The following RRBP1 variants were observed in gnomAD, a reference collection of about 807,000 sequenced individuals.
The protein encoded by RRBP1 is ribosome binding protein 1, also known as ribosome-binding protein 1.
Under a neutral mutation model 165.2 loss-of-function variants are expected in RRBP1, and 94 were observed. The ratio of observed to expected loss-of-function variants is 0.57; its 90% CI spans 0.48 to 0.68. The LOEUF is 0.68. Ranked by LOEUF, RRBP1 falls within the 30% of genes least tolerant of loss-of-function variation. The pLI, the probability that RRBP1 is intolerant of heterozygous loss-of-function variation, is 0.00. For synonymous variants in RRBP1, 680 were observed against 714.5 expected, an observed-to-expected ratio of 0.95 and a Z score of 0.77; for missense variants, 1,676 against 1,763.0, an observed-to-expected ratio of 0.95 and a Z score of 0.88.
chr20:17,646,979 T>A lies in RRBP1; in HGVS notation c.1913-3852A>T, dbSNP rs1449736233. On this transcript the variant is annotated intron_variant, in intron 3 of 24. Coordinates refer to ENST00000377813, the MANE Select transcript of RRBP1 (RefSeq NM_001365613.2). The stretch of plus-strand genomic sequence containing the variant: ...GCTCTCTCAGTCCACGGGGAGGGTA[T>A]CAGAACCACTCCAGGAACTGCCGCC... Among the ~76,000 whole-genome samples the A allele has an allele frequency of 2.6e-5, 4 of 152,306 alleles. No homozygotes were observed. In the East Asian group the frequency reaches 7.7e-4, roughly 29 times the overall value.
At position 17,659,066 on chromosome 20, in the gene RRBP1, T is replaced by C; in HGVS notation, c.1442A>G (p.Lys481Arg). ...KVEGAQNQGKKAEGAQNQGKK... is the reference protein window; with the variant it reads ...KVEGAQNQGKRAEGAQNQGKK... ...GCCCTGGTTCTGGGCCCCCTCAGCC[T>C]TCTTGCCCTGGTTCTGGGCCCCTTC... Residue 481 changes from lysine (K) to arginine (R), a missense_variant, in exon 3 of 25, where the codon AAG becomes AGG. By Grantham distance (26) the Lys-to-Arg change is conservative (BLOSUM62 2). Around this residue, in one of 5 missense-constraint regions of RRBP1, gnomAD observed 18 missense variants for 38.8 expected, o/e 0.46. Coordinates refer to ENST00000377813, the MANE Select transcript of RRBP1 (RefSeq NM_001365613.2). The C allele has an allele frequency of 6.5e-7, 1 of 1,547,182 alleles. No homozygotes were observed. Among genetic ancestry groups the C allele is most frequent in the Non-Finnish European group, 8.7e-7 (1 of 1,145,500 alleles).
At chr20:17,677,694 C>A (rs1054080836) in intron 2 of RRBP1, among the ~76,000 whole-genome samples, 65 of 152,080 alleles carry the variant, frequency 4.3e-4, no homozygotes, top group African/African-American at 1.5e-3. Flanking sequence ...ACAAAATTAG[C>A]CGGGTGTGGT....
At chr20:17,615,341 T>C (rs2035777263) in intron 23 of RRBP1, 90 bp downstream of exon 23, 1 of 1,066,428 alleles carries the variant, frequency 9.4e-7, no homozygotes, top group South Asian at 1.5e-5. Flanking sequence ...GGGTCGGCTC[T>C]CCCCTTCCTG....
At chr20:17,619,544 A>C in intron 19 of RRBP1, 89 bp downstream of exon 19, 1 of 900,682 alleles carries the variant, frequency 1.1e-6, no homozygotes, top group Non-Finnish European at 1.7e-6. Context: ...TGTCACCGAG[A>C]GCTGCTCCCA....
intron 12 of RRBP1, among the ~76,000 whole-genome samples, 175 bp from the exon 13 acceptor site, chr20:17,624,843 A>G (rs1168785570): frequency 2.0e-5 from 3 of 152,202 alleles, no homozygotes; most frequent in Non-Finnish European, 4.4e-5. Context: ...GCCTGAACAC[A>G]AGGCCTGGGT....
Position 17,613,997 on chromosome 20 carries a change from T to C in RRBP1, c.*185A>G, listed in dbSNP as rs2035741566. 2 of 626,288 alleles carry C rather than the reference T, an allele frequency of 3.2e-6. No individual in the cohort carries two copies. Among genetic ancestry groups the C allele is most frequent in the South Asian group, 2.0e-5 (1 of 50,176 alleles). 38.8% of individuals were successfully genotyped at this position (626,288 alleles called of 1,614,324 possible). A position where few individuals can be genotyped will look rare whatever the true frequency, so the allele number is the denominator to read the frequency against. ...GTTTATCAAATGTGACACAGGTTCA[T>C]TTACAAACTGGGGCTCTGGAAGGTC... is the stretch of plus-strand genomic sequence containing the variant. On this transcript the variant is annotated 3_prime_UTR_variant, in exon 25 of 25. Transcript: ENST00000377813.
At chr20:17,668,133 G>A (rs2036904561) in intron 2 of RRBP1, among the ~76,000 whole-genome samples, 1 of 152,202 alleles carries the variant, frequency 6.6e-6, no homozygotes, top group Non-Finnish European at 1.5e-5. Context: ...TGCTGAGTGT[G>A]AGGAGTTATG....
At chr20:17,670,517 C>A (rs779298666) in intron 2 of RRBP1, among the ~76,000 whole-genome samples, 3 of 150,624 alleles carry the variant, frequency 2.0e-5, no homozygotes, top group South Asian at 2.1e-4. Flanking sequence ...CAAATTAATT[C>A]TATTATCCCT....
intron 2 of RRBP1, among the ~76,000 whole-genome samples, chr20:17,672,518 T>C (rs1041785319): frequency 5.3e-5 from 8 of 152,240 alleles, no homozygotes; most frequent in Non-Finnish European, 8.8e-5. Flanking sequence ...GGTTCCCTTT[T>C]AGAATCAGCC....
chr20:17,657,897 T>C (rs1238899169), intron 3 of RRBP1, among the ~76,000 whole-genome samples: 8 of 152,184 alleles, frequency 5.3e-5, no homozygotes, highest in Non-Finnish European at 1.0e-4. Context: ...CCTACCATCA[T>C]TCACTCAACA....
Position 17,660,177 on chromosome 20 carries a change from G to C in RRBP1, c.331C>G (p.Pro111Ala). 6.2e-7 allele frequency: 1 copy of C among 1,613,998 alleles called. No homozygotes were observed. The highest frequency in any genetic ancestry group is 1.1e-5 in the South Asian group (1 of 91,068). The change falls in exon 3 of 25, where the codon CCA becomes GCA. Residue 111 changes from proline (P) to alanine (A), a missense_variant. Pro to Ala is a conservative substitution (Grantham distance 27). This residue lies in a region of RRBP1 where 392 missense variants were observed against 382.5 expected (regional missense o/e 1.02). Coordinates refer to ENST00000377813, the MANE Select transcript of RRBP1 (RefSeq NM_001365613.2). ...RAPAVAVAPTPVQPPIIVAPV... is the reference protein window; with the variant it reads ...RAPAVAVAPTAVQPPIIVAPV... ...GCAACGATAATGGGGGGCTGCACTG[G>C]GGTTGGAGCCACAGCCACAGCAGGA...
At position 17,615,528 on chromosome 20, in the gene RRBP1, G is replaced by T; in HGVS notation, c.3953C>A (p.Ala1318Asp). 1 of 1,603,576 alleles carries T rather than the reference G, an allele frequency of 6.2e-7. No individual in the cohort carries two copies. Residue 1318 changes from alanine to aspartate, a missense_variant and splice_region_variant, in exon 23 of 25, where the codon GCT (alanine) becomes GAT (aspartate). Ala to Asp is a moderately radical substitution (Grantham distance 126). Transcript: ENST00000377813. Reference sequence around the variant, plus strand: ...TTGTAACCGACATGCCGAGGTCTGAGCCTTGCCGGAGAGGGAAGTGAGGTC... The same window carrying T: ...TTGTAACCGACATGCCGAGGTCTGATCCTTGCCGGAGAGGGAAGTGAGGTC... ...RQKLTAEFEE[A>D]QTSACRLQEE...
rs747638995 is a variant in RRBP1 at position 17,636,570 on chromosome 20, C to T, written c.2337+7G>A. The T allele has an allele frequency of 3.7e-5, 59 of 1,610,428 alleles. No homozygotes were observed. Among genetic ancestry groups the T allele is most frequent in the Non-Finnish European group, 4.7e-5 (56 of 1,179,836 alleles). On this transcript the variant is annotated splice_region_variant and intron_variant, in intron 6 of 24. Coordinates refer to ENST00000377813, the MANE Select transcript of RRBP1 (RefSeq NM_001365613.2). Reference sequence around the variant, plus strand: ...CTTCCCATGCCCCCGCCAGCCACTACACCCACCTTGCCCTGCAGCTGCTGC... The same window carrying T: ...CTTCCCATGCCCCCGCCAGCCACTATACCCACCTTGCCCTGCAGCTGCTGC...
In RRBP1 at chr20:17,658,851, C is replaced by A; in HGVS notation, c.1657G>T (p.Val553Phe). ...APIQGKKADSVANQGTKVEGI... is the reference protein window; with the variant it reads ...APIQGKKADSFANQGTKVEGI... ...TCTACCTTTGTGCCCTGATTAGCAA[C>A]CGAATCTGCCTTTTTGCCCTGGATG... is the stretch of plus-strand genomic sequence containing the variant. The change falls in exon 3 of 25, where the codon GTT becomes TTT. Residue 553 changes from valine to phenylalanine, a missense_variant. By Grantham distance (50) the Val-to-Phe change is conservative. This residue lies in a region of RRBP1 where 1,184 missense variants were observed against 1,167.1 expected (regional missense o/e 1.01). Transcript: ENST00000377813. 6.2e-7 allele frequency: 1 copy of A among 1,613,976 alleles called. No individual in the cohort carries two copies. Among genetic ancestry groups the A allele is most frequent in the Non-Finnish European group, 8.5e-7 (1 of 1,179,896 alleles).
In RRBP1 at chr20:17,658,801, T is replaced by C; in HGVS notation, c.1707A>G (p.Lys569=). 1 of 1,613,994 alleles carries C rather than the reference T, an allele frequency of 6.2e-7. No individual in the cohort carries two copies. Among genetic ancestry groups the C allele is most frequent in the South Asian group, 1.1e-5 (1 of 91,076 alleles). ...TGCCTTCACTGGGGGACCCTTCTGC[T>C]TTTTTCCCCTGGTTTGTAATACCCT... is the stretch of plus-strand genomic sequence containing the variant. ...KVEGITNQGK[K]AEGSPSEGKK... Residue 569 remains lysine, a synonymous_variant, in exon 3 of 25, where the codon AAA becomes AAG. Coordinates refer to ENST00000377813, the MANE Select transcript of RRBP1 (RefSeq NM_001365613.2).
At chr20:17,620,512 G>A in intron 17 of RRBP1, 142 bp from the exon 18 acceptor site, 1 of 860,114 alleles carries the variant, frequency 1.2e-6, no homozygotes, top group Non-Finnish European at 1.9e-6. Context: ...CGGTCACCCT[G>A]GCGCCATCTG....
At chr20:17,619,594 T>A in intron 19 of RRBP1, 39 bp downstream of exon 19, 1 of 1,482,344 alleles carries the variant, frequency 6.7e-7, no homozygotes, top group Non-Finnish European at 9.3e-7. Flanking sequence ...ACCGCAGATC[T>A]GCTGGGCAGG....
intron 5 of RRBP1, 57 bp downstream of exon 5, chr20:17,641,740 G>C (rs35748180): frequency 6.3e-7 from 1 of 1,597,970 alleles, no homozygotes; most frequent in African/African-American, 1.3e-5. Flanking sequence ...TGGATGGGGC[G>C]GGGGTCCTCT....
At chr20:17,653,562 G>A (rs1392289724) in intron 3 of RRBP1, among the ~76,000 whole-genome samples, 2 of 152,234 alleles carry the variant, frequency 1.3e-5, no homozygotes, top group African/African-American at 2.4e-5. Context: ...CTGGCCAGGC[G>A]CGGTGGCTCA....
Sources: allele counts gnomAD v4.1 joint callset (sites outside exome capture counted in the v4.1 genomes callset), GRCh38; gene constraint gnomAD v4.1.1; regional missense constraint gnomAD v4.1.1; transcripts MANE v1.5; gene names NCBI Gene and HGNC (gene_info 2026-07-23, HGNC 2026-07-21).